The following RIMS2 variants were observed in gnomAD, a reference collection of about 807,000 sequenced individuals.
RIMS2 encodes the protein regulating synaptic membrane exocytosis 2, also known as regulating synaptic membrane exocytosis protein 2.
A neutral mutation model predicts 174.4 loss-of-function variants in RIMS2; 59 were observed. The observed-to-expected ratio is 0.34, with a 90% CI of 0.27 to 0.42. The LOEUF is 0.42. Among genes scored for constraint, RIMS2 ranks in the 10% least tolerant of loss-of-function variants. The pLI is 1.00. For missense variants in RIMS2, 1,620 were observed against 1,666.3 expected (o/e 0.97, Z 0.48); for synonymous variants, 606 against 572.5 (o/e 1.06, Z -0.84).
intron 19 of RIMS2, among the ~76,000 whole-genome samples, chr8:104,092,690 C>T (rs1447256111): frequency 6.6e-6 from 1 of 151,822 alleles, no homozygotes; most frequent in Non-Finnish European, 1.5e-5. Context: ...GGTTTGCAGA[C>T]TCCAAAGTCT....
chr8:103,616,255 T>G (rs561825364), intron 1 of RIMS2, among the ~76,000 whole-genome samples: 120 of 152,178 alleles, frequency 7.9e-4, no homozygotes, highest in African/African-American at 2.8e-3. Context: ...TAAGCTAAAC[T>G]GAAGACAAAA....
intron 1 of RIMS2, among the ~76,000 whole-genome samples, chr8:103,601,589 C>G (rs760007937): frequency 6.6e-6 from 1 of 151,906 alleles, no homozygotes; most frequent in African/African-American, 2.4e-5. Flanking sequence ...TTGTAGGCAA[C>G]AGATCATGGA....
At chr8:104,084,017 A>T (rs1257827951) in intron 19 of RIMS2, among the ~76,000 whole-genome samples, 1 of 152,146 alleles carries the variant, frequency 6.6e-6, no homozygotes, top group Non-Finnish European at 1.5e-5. Flanking sequence ...AAACTATAAG[A>T]TATTTGAAAG....
At chr8:103,716,462 C>T (rs1157476224) in intron 2 of RIMS2, 142 bp downstream of exon 5, 1 of 151,946 alleles carries the variant, frequency 6.6e-6, no homozygotes, top group East Asian at 1.9e-4. Flanking sequence ...AACATTATGG[C>T]TTATTTAAGC....
chr8:103,858,111 T>C (rs1378993176), intron 3 of RIMS2, among the ~76,000 whole-genome samples: 3 of 152,160 alleles, frequency 2.0e-5, no homozygotes, highest in Non-Finnish European at 2.9e-5. Flanking sequence ...TTTAAAATGT[T>C]TTATAGATTT....
At chr8:103,519,222 G>T (rs967483905) in intron 1 of RIMS2, among the ~76,000 whole-genome samples, 2 of 151,942 alleles carry the variant, frequency 1.3e-5, no homozygotes, top group African/African-American at 2.4e-5. Context: ...ATTTGAAATT[G>T]GAACCAAATC....
At chr8:103,734,486 A>G (rs1473608084) in intron 2 of RIMS2, among the ~76,000 whole-genome samples, 1 of 149,224 alleles carries the variant, frequency 6.7e-6, no homozygotes, top group African/African-American at 2.5e-5. Flanking sequence ...CACTTTAAAC[A>G]TATTAGTATT....
intron 9 of RIMS2, 41 bp from the exon 13 acceptor site, chr8:103,921,631 G>A (rs1256740166): frequency 1.2e-6 from 1 of 815,860 alleles, no homozygotes; most frequent in African/African-American, 1.7e-5. Context: ...TACTTGTGAA[G>A]AGCCATTGTT....
At chr8:104,130,577 C>G (rs1311224392) in intron 19 of RIMS2, among the ~76,000 whole-genome samples, 1 of 152,148 alleles carries the variant, frequency 6.6e-6, no homozygotes, top group African/African-American at 2.4e-5. Context: ...CCACATCCCC[C>G]TCTTCAGAGA....
intron 3 of RIMS2, among the ~76,000 whole-genome samples, chr8:103,835,025 C>A (rs1326095174): frequency 1.3e-5 from 2 of 151,994 alleles, no homozygotes; most frequent in Non-Finnish European, 2.9e-5. Context: ...CCCACCTCAG[C>A]TTCCCAAAGT....
intron 19 of RIMS2, among the ~76,000 whole-genome samples, chr8:104,054,120 G>A (rs2096832177): frequency 1.3e-5 from 2 of 152,238 alleles, no homozygotes; most frequent in South Asian, 4.1e-4. Flanking sequence ...GTTTCTCCTA[G>A]TCTGTCCTGA....
At chr8:104,234,020 G>GT (rs1166814836) in intron 19 of RIMS2, among the ~76,000 whole-genome samples, 13 of 152,070 alleles carry the variant, frequency 8.5e-5, no homozygotes, top group African/African-American at 2.7e-4. Context: ...TTTATGCATA[G>GT]TTTTTTTTCT....
Position 103,903,028 on chromosome 8 carries a change from A to G in RIMS2, c.1625-7106A>G, listed in dbSNP as rs561807121. On this transcript the variant is annotated intron_variant, in intron 4 of 23. Coordinates refer to ENST00000504942, the Ensembl canonical transcript of RIMS2. Reference sequence around the variant, plus strand: ...ACCAAGAAGAGAAATAAAAAACATAAAAGAGTCATAGTTAAATGTTCCCTA... The same window carrying G: ...ACCAAGAAGAGAAATAAAAAACATAGAAGAGTCATAGTTAAATGTTCCCTA... Among the ~76,000 whole-genome samples, 5 of 152,306 alleles carry G rather than the reference A, an allele frequency of 3.3e-5. No individual in the cohort carries two copies. In the South Asian group the frequency reaches 1.0e-3, roughly 32 times the overall value.
intron 19 of RIMS2, among the ~76,000 whole-genome samples, chr8:104,093,865 C>T (rs1325343060): frequency 1.3e-5 from 2 of 151,960 alleles, no homozygotes; most frequent in African/African-American, 2.4e-5. Flanking sequence ...TTGCTTACTA[C>T]ATCACTGGAA....
At chr8:103,939,947 A>T (rs1039220185) in intron 13 of RIMS2, among the ~76,000 whole-genome samples, 1 of 152,228 alleles carries the variant, frequency 6.6e-6, no homozygotes, top group Non-Finnish European at 1.5e-5. Flanking sequence ...TTTATTGTCC[A>T]TATAGCTATC....
intron 19 of RIMS2, among the ~76,000 whole-genome samples, chr8:104,127,532 G>C (rs544968641): frequency 3.9e-5 from 6 of 152,256 alleles, no homozygotes; most frequent in Non-Finnish European, 7.4e-5. Context: ...AGACAGTTGG[G>C]TTTGAATCCT....
At chr8:103,589,262 G>A (rs774636582) in intron 1 of RIMS2, among the ~76,000 whole-genome samples, 3 of 151,552 alleles carry the variant, frequency 2.0e-5, no homozygotes, top group Non-Finnish European at 3.0e-5. Flanking sequence ...TTTAAAAATG[G>A]GGAAACAGTT....
At chr8:103,803,481 A>T (rs2098629427) in intron 3 of RIMS2, among the ~76,000 whole-genome samples, 2 of 152,330 alleles carry the variant, frequency 1.3e-5, no homozygotes, top group Non-Finnish European at 2.9e-5. Context: ...TGATAAAAAA[A>T]TTTAAATATG....
chr8:104,247,364 T>G (rs755700474), intron 20 of RIMS2, among the ~76,000 whole-genome samples: 23 of 152,146 alleles, frequency 1.5e-4, no homozygotes, highest in Non-Finnish European at 3.2e-4. Context: ...CACCTTCTTG[T>G]GATGTCTTCT....
Sources: allele counts gnomAD v4.1 joint callset (sites outside exome capture counted in the v4.1 genomes callset), GRCh38; gene constraint gnomAD v4.1.1; transcripts MANE v1.5; gene names NCBI Gene and HGNC (gene_info 2026-07-23, HGNC 2026-07-21).